Variants in LRTM3 observed in about 807,000 individuals in gnomAD.
The protein encoded by LRTM3 is leucine-rich repeat transmembrane protein 3.
At chr13:102,741,003 G>A in the LRTM3 span, 81 of 1,550,180 alleles carry the variant, frequency 5.2e-5, no homozygotes, top group Non-Finnish European at 6.5e-5. Context: ...CCTACTTCAT[G>A]TGATGCTTTC....
At chr13:102,732,378 G>A in the LRTM3 span, 1 of 1,551,274 alleles carries the variant, frequency 6.4e-7, no homozygotes, top group African/African-American at 1.4e-5. Flanking sequence ...TTAAGCATCT[G>A]TGGAATTGGG....
At chr13:102,744,810 T>G in the LRTM3 span, 6 of 1,550,786 alleles carry the variant, frequency 3.9e-6, no homozygotes, top group South Asian at 7.1e-5. Context: ...AAATTGGCCT[T>G]CTGTGCCTCC....
At chr13:102,740,109 C>A in the LRTM3 span, 1 of 1,548,436 alleles carries the variant, frequency 6.5e-7, no homozygotes, top group Non-Finnish European at 8.7e-7. Context: ...TCTTTTTGTA[C>A]CTTTTCATTT....
At chr13:102,742,001 G>A in the LRTM3 span, 1 of 1,550,536 alleles carries the variant, frequency 6.4e-7, no homozygotes, top group Non-Finnish European at 8.7e-7. Flanking sequence ...AGTACAACCT[G>A]ACAATGACCT....
the LRTM3 span, among the ~76,000 whole-genome samples, chr13:102,750,835 A>C: frequency 6.6e-6 from 1 of 152,184 alleles, no homozygotes; most frequent in African/African-American, 2.4e-5. Context: ...CAGTTCTTTG[A>C]GATCAAAAGA....
the LRTM3 span, chr13:102,729,793 T>G: frequency 6.4e-7 from 1 of 1,551,894 alleles, no homozygotes; most frequent in Non-Finnish European, 8.7e-7. Context: ...CACGTTTCCC[T>G]TTGCTGTGTG....
the LRTM3 span, chr13:102,730,179 C>T: frequency 6.4e-7 from 1 of 1,550,566 alleles, no homozygotes; most frequent in Non-Finnish European, 8.7e-7. Flanking sequence ...CAATGGGAAC[C>T]TGAATCTTCA....
the LRTM3 span, chr13:102,744,365 T>C: frequency 1.3e-6 from 2 of 1,550,318 alleles, no homozygotes; most frequent in Non-Finnish European, 1.7e-6. Context: ...TGCAGTTTTC[T>C]CAGAAATAGA....
the LRTM3 span, chr13:102,730,627 G>A: frequency 6.4e-7 from 1 of 1,552,076 alleles, no homozygotes; most frequent in Non-Finnish European, 8.7e-7. Flanking sequence ...GGAATTTTCT[G>A]ATGAGTGATG....
chr13:102,747,867 T>C, the LRTM3 span: 526 of 1,551,340 alleles, frequency 3.4e-4, 4 homozygotes, highest in South Asian at 3.7e-3. Flanking sequence ...CCTGAACTGA[T>C]CTGTTCCATT....
At chr13:102,732,600 G>C in the LRTM3 span, 1 of 1,551,094 alleles carries the variant, frequency 6.4e-7, no homozygotes, top group South Asian at 1.2e-5. Flanking sequence ...TGCATGATTA[G>C]GCGGCTGTTC....
the LRTM3 span, chr13:102,740,232 G>C: frequency 5.8e-6 from 9 of 1,549,214 alleles, no homozygotes; most frequent in Non-Finnish European, 7.9e-6. Flanking sequence ...GGAAATAAGA[G>C]ACTTGCATAT....
At chr13:102,736,123 T>C in the LRTM3 span, 1 of 1,541,636 alleles carries the variant, frequency 6.5e-7, no homozygotes, top group Non-Finnish European at 8.8e-7. Flanking sequence ...CATTTGAATT[T>C]GCAAGTCTGC....
At chr13:102,732,088 A>T in the LRTM3 span, 2 of 1,551,290 alleles carry the variant, frequency 1.3e-6, no homozygotes, top group South Asian at 2.4e-5. Flanking sequence ...GATCTTGTGG[A>T]ACTGTGTTTG....
the LRTM3 span, chr13:102,732,599 A>G: frequency 1.3e-6 from 2 of 1,551,188 alleles, no homozygotes; most frequent in Middle Eastern, 3.3e-4. Context: ...TTGCATGATT[A>G]GGCGGCTGTT....
At chr13:102,739,178 G>A in the LRTM3 span, 45 of 1,549,760 alleles carry the variant, frequency 2.9e-5, no homozygotes, top group Middle Eastern at 5.0e-4. Context: ...ATCTTCCTGC[G>A]TCATTTTCTC....
the LRTM3 span, chr13:102,743,540 A>G: frequency 1.3e-6 from 2 of 1,548,638 alleles, no homozygotes; most frequent in Non-Finnish European, 1.7e-6. Flanking sequence ...ATTCAATATA[A>G]TTTTCCTTTC....
chr13:102,744,419 C>T, the LRTM3 span: 975 of 1,549,768 alleles, frequency 6.3e-4, 5 homozygotes, highest in African/African-American at 9.1e-3. Flanking sequence ...AGGGGTATCA[C>T]GTGGTATTGA....
chr13:102,742,777 T>G, the LRTM3 span: 1 of 1,550,586 alleles, frequency 6.4e-7, no homozygotes, highest in Non-Finnish European at 8.7e-7. Context: ...CTGAAGCAGG[T>G]GAATGCCTGC....
Sources: allele counts gnomAD v4.1 joint callset (sites outside exome capture counted in the v4.1 genomes callset), GRCh38; gene constraint gnomAD v4.1.1; transcripts MANE v1.5; gene names NCBI Gene and HGNC (gene_info 2026-07-23, HGNC 2026-07-21).